The following ZNF98 variants were observed in gnomAD, a reference collection of about 807,000 sequenced individuals.
The protein encoded by ZNF98 is zinc finger protein 98, also known as zinc finger protein 739.
A neutral mutation model predicts 12.8 loss-of-function variants in ZNF98; 8 were observed. That is an observed-to-expected ratio of 0.63 (90% CI 0.37 to 1.13). The LOEUF (loss-of-function observed/expected upper bound fraction) is 1.13, where lower values mean the gene tolerates loss of function less well. Ranked by LOEUF, ZNF98 falls within the 50% of genes most tolerant of loss-of-function variation. ZNF98 has a pLI of 0.01. For missense variants in ZNF98, 379 were observed against 666.1 expected (o/e 0.57, Z 4.74); for synonymous variants, 112 against 223.5 (o/e 0.50, Z 4.45).
chr19:22,395,408 C>T (rs1283454632), intron 3 of ZNF98, among the ~76,000 whole-genome samples: 1 of 150,508 alleles, frequency 6.6e-6, no homozygotes, highest in Non-Finnish European at 1.5e-5. Context: ...GTATACAAAA[C>T]AGGGCAATAT....
At chr19:22,393,503 A>C (rs1268297973) in intron 3 of ZNF98, among the ~76,000 whole-genome samples, 3 of 151,982 alleles carry the variant, frequency 2.0e-5, no homozygotes. Flanking sequence ...CCAATGGAAC[A>C]GAATAGAGAC....
chr19:22,406,188 T>A (rs1254126057), intron 1 of ZNF98, among the ~76,000 whole-genome samples: 1 of 151,984 alleles, frequency 6.6e-6, no homozygotes. Flanking sequence ...CCAACTGGGG[T>A]TGTCAGACAC....
At chr19:22,399,544 T>C (rs1461686847) in intron 3 of ZNF98, among the ~76,000 whole-genome samples, 1 of 152,188 alleles carries the variant, frequency 6.6e-6, no homozygotes, top group Non-Finnish European at 1.5e-5. Context: ...TATGTCATAT[T>C]TTAGGTACTA....
At chr19:22,409,269 C>T (rs1241238338) in intron 1 of ZNF98, among the ~76,000 whole-genome samples, 1 of 152,122 alleles carries the variant, frequency 6.6e-6, no homozygotes, top group Non-Finnish European at 1.5e-5. Context: ...CTCTTCCTTA[C>T]ATCTTATACA....
rs775912087 is a variant in ZNF98 at position 22,392,678 on chromosome 19, T to C, written c.557A>G (p.Glu186Gly). ...AAGCATGCAAAATGACTTTTCACAT[T>C]CTTTACACTTGAAAGATTTCTTTCC... is the stretch of plus-strand genomic sequence containing the variant. Reference protein sequence around the residue: ...HTGKKSFKCKECEKSFCMLSH... With the variant: ...HTGKKSFKCKGCEKSFCMLSH... The change falls in exon 4 of 4, where the codon GAA (glutamate) becomes GGA (glycine). Residue 186 changes from glutamate to glycine, a missense_variant. Physicochemically the swap from Glu to Gly is moderately conservative, Grantham distance 98 (BLOSUM62 -2). Transcript: ENST00000357774. The C allele has an allele frequency of 9.4e-6, 15 of 1,596,000 alleles. No homozygotes were observed. The highest frequency in any genetic ancestry group is 1.7e-4 in the Middle Eastern group (1 of 5,998).
intron 1 of ZNF98, among the ~76,000 whole-genome samples, chr19:22,407,585 G>A (rs1240687153): frequency 4.0e-5 from 6 of 151,430 alleles, no homozygotes; most frequent in African/African-American, 1.5e-4. Context: ...GGTGGCTCAC[G>A]CCTGCAGTCT....
chr19:22,410,005 C>T (rs1969564039), intron 1 of ZNF98, among the ~76,000 whole-genome samples: 1 of 151,216 alleles, frequency 6.6e-6, no homozygotes, highest in Non-Finnish European at 1.5e-5. Flanking sequence ...TGAAAAGATG[C>T]TCAATACCAC....
intron 1 of ZNF98, among the ~76,000 whole-genome samples, chr19:22,414,210 G>C (rs1969613133): frequency 7.2e-6 from 1 of 138,688 alleles, no homozygotes; most frequent in Non-Finnish European, 1.5e-5. Context: ...CTCTAGCCTG[G>C]GTGAAGAGCA....
chr19:22,397,224 G>GTGTGTGTTTT (rs1224502135), intron 3 of ZNF98, among the ~76,000 whole-genome samples: 1 of 151,644 alleles, frequency 6.6e-6, no homozygotes, highest in Admixed American at 6.6e-5. Context: ...GTGTGTGTGT[G>GTGTGTGTTTT]TGTGTGTGTG....
intron 1 of ZNF98, among the ~76,000 whole-genome samples, chr19:22,413,773 G>A (rs1273579077): frequency 6.6e-6 from 1 of 150,504 alleles, no homozygotes; most frequent in Non-Finnish European, 1.5e-5. Context: ...GGAGGCTGAG[G>A]CAGGAGAATC....
intron 3 of ZNF98, among the ~76,000 whole-genome samples, chr19:22,395,810 G>A (rs1162236522): frequency 6.6e-6 from 1 of 151,504 alleles, no homozygotes; most frequent in African/African-American, 2.4e-5. Context: ...GATATAACCA[G>A]TGAATTATCA....
intron 1 of ZNF98, among the ~76,000 whole-genome samples, chr19:22,403,876 C>T (rs1178266049): frequency 6.6e-6 from 1 of 152,226 alleles, no homozygotes; most frequent in Non-Finnish European, 1.5e-5. Flanking sequence ...ATACTGCTCA[C>T]ATGTTAATGT....
chr19:22,412,370 A>G (rs1568295741), intron 1 of ZNF98, among the ~76,000 whole-genome samples: 1 of 152,242 alleles, frequency 6.6e-6, no homozygotes, highest in Non-Finnish European at 1.5e-5. Flanking sequence ...GTTCTTTGAA[A>G]AAAATGAGAA....
chr19:22,403,723 G>A (rs907430668), intron 1 of ZNF98, among the ~76,000 whole-genome samples: 1 of 152,190 alleles, frequency 6.6e-6, no homozygotes, highest in Non-Finnish European at 1.5e-5. Flanking sequence ...ACAACATCGA[G>A]GTATAGATGA....
At chr19:22,418,792 G>C (rs1037546461) in intron 1 of ZNF98, among the ~76,000 whole-genome samples, 5 of 152,214 alleles carry the variant, frequency 3.3e-5, no homozygotes, top group Non-Finnish European at 7.3e-5. Flanking sequence ...TGAGGCAGGA[G>C]AATCGCTTGA....
rs771407957 is a variant in ZNF98 at position 22,422,213 on chromosome 19, G to C, written c.12C>G (p.Pro4=). 4.3e-6 allele frequency: 7 copies of C among 1,612,760 alleles called. No homozygotes were observed. The change falls in exon 1 of 4, where the codon CCC becomes CCG. Residue 4 remains proline, a synonymous_variant. Coordinates refer to ENST00000357774, the MANE Select transcript of ZNF98 (RefSeq NM_001098626.2). MPG[P]LGSLEMGVLT... ...CTCTCACCATTTCTAGGCTTCCAAG[G>C]GGTCCTGGCATCTTAGCTGTGGATT... is the stretch of plus-strand genomic sequence containing the variant.
At chr19:22,411,910 G>A (rs1870831161) in intron 1 of ZNF98, among the ~76,000 whole-genome samples, 1 of 152,140 alleles carries the variant, frequency 6.6e-6, no homozygotes, top group East Asian at 1.9e-4. Context: ...AAATTGATGG[G>A]TGCACACAAA....
At chr19:22,404,821 C>A (rs1225472811) in intron 1 of ZNF98, among the ~76,000 whole-genome samples, 1 of 152,020 alleles carries the variant, frequency 6.6e-6, no homozygotes, top group Non-Finnish European at 1.5e-5. Context: ...TCAAAACTGT[C>A]TGGGTAATAA....
chr19:22,422,047 G>T, intron 1 of ZNF98, 148 bp downstream of exon 1: 1 of 1,001,308 alleles, frequency 1.0e-6, no homozygotes, highest in Non-Finnish European at 1.6e-6. Context: ...TATCGCTGAA[G>T]GGGACTGAGG....
Sources: gnomAD v4.1 joint callset for allele counts (sites outside exome capture counted in the v4.1 genomes callset) on GRCh38, gnomAD v4.1.1 for gene constraint, MANE v1.5 for transcripts, NCBI Gene and HGNC (gene_info 2026-07-23, HGNC 2026-07-21) for gene names.